GCNT1: variants seen among roughly 807,000 people sequenced by gnomAD.
The protein encoded by GCNT1 is glucosaminyl (N-acetyl) transferase 1.
In GCNT1, 16 loss-of-function variants were observed where a neutral mutation model predicts 26.2. The ratio of observed to expected loss-of-function variants is 0.61; its 90% CI spans 0.41 to 0.93. The LOEUF (loss-of-function observed/expected upper bound fraction) is 0.93. Ranked by LOEUF, GCNT1 falls within the 40% of genes least tolerant of loss-of-function variation. The probability of loss-of-function intolerance (pLI) is 0.00; values close to 1 mark genes in which losing one functional copy is unlikely to be tolerated. For synonymous variants in GCNT1, 183 were observed against 190.8 expected, an observed-to-expected ratio of 0.96 and a Z score of 0.34; for missense variants, 477 against 526.7, an observed-to-expected ratio of 0.91 and a Z score of 0.92.
upstream of GCNT1, among the ~76,000 whole-genome samples, chr9:76,456,251 G>A (rs182352045): frequency 4.6e-5 from 7 of 152,292 alleles, no homozygotes; most frequent in East Asian, 7.7e-4. Flanking sequence ...CCAAGCAATG[G>A]CTCTTCTCCC....
intron 2 of GCNT1, among the ~76,000 whole-genome samples, chr9:76,489,498 T>A (rs1414140485): frequency 6.6e-6 from 1 of 152,146 alleles, no homozygotes; most frequent in African/African-American, 2.4e-5. Context: ...GGCTCAGGTG[T>A]CCAGCTTTTT....
intron 2 of GCNT1, among the ~76,000 whole-genome samples, chr9:76,467,906 T>G (rs909319194): frequency 3.8e-5 from 5 of 130,778 alleles, no homozygotes; most frequent in African/African-American, 6.1e-5. Flanking sequence ...TGTTTTTTTT[T>G]TTTTTTTTTT....
chr9:76,485,401 T>A (rs1296243901), intron 2 of GCNT1, among the ~76,000 whole-genome samples: 1 of 151,880 alleles, frequency 6.6e-6, no homozygotes, highest in Non-Finnish European at 1.5e-5. Flanking sequence ...CTTGAACTCC[T>A]GACCTCAAGT....
At chr9:76,400,506 G>C in the GCNT1 span, among the ~76,000 whole-genome samples, 1 of 152,186 alleles carries the variant, frequency 6.6e-6, no homozygotes, top group Non-Finnish European at 1.5e-5. Context: ...CACACTAAAA[G>C]TCATGTTCTG....
intron 2 of GCNT1, among the ~76,000 whole-genome samples, chr9:76,485,223 A>C (rs1824541978): frequency 6.6e-6 from 1 of 152,146 alleles, no homozygotes; most frequent in Admixed American, 6.5e-5. Context: ...CCCAGGCTGG[A>C]GTGCAGTGGT....
chr9:76,493,937 A>G (rs1180279978), intron 2 of GCNT1, among the ~76,000 whole-genome samples: 4 of 152,056 alleles, frequency 2.6e-5, no homozygotes, highest in African/African-American at 9.7e-5. Context: ...GCAGAAAAAA[A>G]TAAGCCACTT....
chr9:76,503,805 A>G lies in GCNT1; in HGVS notation c.*137A>G. The G allele has an allele frequency of 1.4e-6, 1 of 691,906 alleles. No homozygotes were observed. Among genetic ancestry groups the G allele is most frequent in the South Asian group, 1.8e-5 (1 of 56,630 alleles). The allele number at this position is 691,906 out of a possible 1,614,324, so 42.9% of individuals were successfully genotyped here. Reference sequence around the variant, plus strand: ...GGACTCTAGTAGATCTTCTTGTCAGAGAAGCTGCATGGTTTCTGCAGAGCA... The same window carrying G: ...GGACTCTAGTAGATCTTCTTGTCAGGGAAGCTGCATGGTTTCTGCAGAGCA... On this transcript the variant is annotated 3_prime_UTR_variant, in exon 4 of 4. Transcript: ENST00000376730.
chr9:76,405,392 A>C, the GCNT1 span, among the ~76,000 whole-genome samples: 24 of 152,130 alleles, frequency 1.6e-4, no homozygotes, highest in Non-Finnish European at 3.4e-4. Context: ...GCATTGATGT[A>C]ATATCACCCC....
chr9:76,452,432 G>A (rs544809331), intron 1 of GCNT1, among the ~76,000 whole-genome samples: 6 of 152,152 alleles, frequency 3.9e-5, no homozygotes, highest in East Asian at 3.9e-4. Flanking sequence ...TTCTTGTATC[G>A]CTATAAAGAA....
chr9:76,476,684 C>T (rs575739615), intron 2 of GCNT1, among the ~76,000 whole-genome samples: 1 of 152,238 alleles, frequency 6.6e-6, no homozygotes, highest in African/African-American at 2.4e-5. Context: ...AACTGTGTTT[C>T]GCTGTTACTT....
At chr9:76,409,142 T>C in the GCNT1 span, among the ~76,000 whole-genome samples, 169 of 152,330 alleles carry the variant, frequency 1.1e-3, no homozygotes, top group African/African-American at 3.8e-3. Context: ...TATAGACTTA[T>C]TCAGAATGTA....
chr9:76,447,346 C>T (rs150326196), intron 1 of GCNT1, among the ~76,000 whole-genome samples: 50 of 151,874 alleles, frequency 3.3e-4, no homozygotes, highest in African/African-American at 1.2e-3. Context: ...CTCAGGCAAT[C>T]CTTCCACTTT....
At chr9:76,439,405 A>G (rs1411256298), upstream of GCNT1, among the ~76,000 whole-genome samples, 3 of 151,838 alleles carry the variant, frequency 2.0e-5, no homozygotes, top group African/African-American at 2.4e-5. Context: ...TGGTATTTCT[A>G]GTAGAGATGG....
rs1322091161 is a variant in GCNT1, at chr9:76,507,078, G to T, written c.*3410G>T. On this transcript the variant is annotated 3_prime_UTR_variant, in exon 4 of 4. Coordinates refer to ENST00000376730, the MANE Select transcript of GCNT1 (RefSeq NM_001490.5). ...TTCTCAGAACATTTAGCCTGCAGTTGGGCAAAACCATTTAACACAAAGCCT... is the reference window on the plus strand; with the variant it reads ...TTCTCAGAACATTTAGCCTGCAGTTTGGCAAAACCATTTAACACAAAGCCT... 1.2e-5 allele frequency: 2 copies of T among 166,854 alleles called. No homozygotes were observed. The highest frequency in any genetic ancestry group is 2.9e-5 in the Non-Finnish European group (2 of 68,066). The allele number at this position is 166,854 out of a possible 1,614,324, so 10.3% of individuals were successfully genotyped here. A position where few individuals can be genotyped will look rare whatever the true frequency, so the allele number is the denominator to read the frequency against.
At chr9:76,493,043 G>A (rs972199666) in intron 2 of GCNT1, among the ~76,000 whole-genome samples, 2 of 152,196 alleles carry the variant, frequency 1.3e-5, no homozygotes, top group Admixed American at 6.5e-5. Context: ...GGTGACAGGG[G>A]AGTATATTTT....
At chr9:76,394,251 C>A in the GCNT1 span, 1 of 1,420,934 alleles carries the variant, frequency 7.0e-7, no homozygotes, top group South Asian at 1.3e-5. Context: ...GCCCAGACCC[C>A]GGACCAGCCG....
the GCNT1 span, chr9:76,394,517 C>A: frequency 1.0e-4 from 20 of 194,534 alleles, no homozygotes; most frequent in Admixed American, 1.9e-4. Flanking sequence ...CTCAGCCGAA[C>A]GCCTCGAGCC....
intron 2 of GCNT1, among the ~76,000 whole-genome samples, chr9:76,500,688 A>G (rs532047522): frequency 6.6e-6 from 1 of 152,344 alleles, no homozygotes; most frequent in African/African-American, 2.4e-5. Context: ...CTTTCAAAGA[A>G]CTTAACCTAA....
rs72747354 is a variant in GCNT1 at position 76,483,958 on chromosome 9, G to T, written c.-289-16958G>T. On this transcript the variant is annotated intron_variant, in intron 2 of 3. Coordinates refer to ENST00000376730, the MANE Select transcript of GCNT1 (RefSeq NM_001490.5). ...ACCTTCCAAGTAGCTGGGATCGTAA[G>T]TGTGTGCCACCATGCCTGGCCTGAA... is the stretch of plus-strand genomic sequence containing the variant. Among the ~76,000 whole-genome samples, 48 of 152,278 alleles carry T rather than the reference G, an allele frequency of 3.2e-4. No individual in the cohort carries two copies. In the South Asian group the frequency reaches 9.9e-3, roughly 32 times the overall value.
Sources: gnomAD v4.1 joint callset for allele counts (sites outside exome capture counted in the v4.1 genomes callset) on GRCh38, gnomAD v4.1.1 for gene constraint, MANE v1.5 for transcripts, NCBI Gene and HGNC (gene_info 2026-07-23, HGNC 2026-07-21) for gene names.